The following LRFN5 variants were observed in gnomAD, a reference collection of about 807,000 sequenced individuals.
LRFN5 encodes leucine rich repeat and fibronectin type III domain containing 5, also known as leucine-rich repeat and fibronectin type-III domain-containing protein 5.
LRFN5 carries 24 observed loss-of-function variants against 45.6 expected under a neutral mutation model. The observed-to-expected ratio is 0.53, with a 90% CI of 0.38 to 0.74. The LOEUF is 0.74. Among genes scored for constraint, LRFN5 ranks in the 30% least tolerant of loss-of-function variants. The pLI, the probability that LRFN5 is intolerant of heterozygous loss-of-function variation, is 0.00. For missense variants in LRFN5, 776 were observed against 861.5 expected (o/e 0.90, Z 1.24); for synonymous variants, 340 against 313.8 (o/e 1.08, Z -0.88).
chr14:41,625,121 T>C lies in LRFN5; in HGVS notation c.-197+16559T>C, dbSNP rs577180984. ...TGAATATTTAAAGATAAATAATGAA[T>C]GAGAGAGGATAGTACAATTATAGCC... On this transcript the variant is annotated intron_variant, in intron 1 of 5. Coordinates refer to ENST00000298119, the MANE Select transcript of LRFN5 (RefSeq NM_152447.5). 3.9e-5 allele frequency among the ~76,000 whole-genome samples: 6 copies of C among 152,298 alleles called. No individual in the cohort carries two copies. The East Asian group carries it at 1.2e-3, about 29-fold the overall frequency.
chr14:41,837,206 A>C (rs1232825493), intron 2 of LRFN5, among the ~76,000 whole-genome samples: 2 of 151,708 alleles, frequency 1.3e-5, no homozygotes, highest in East Asian at 3.9e-4. Context: ...AAAAAAAAAA[A>C]AAAAAAAAAA....
At chr14:41,715,420 G>T (rs1413393493) in intron 1 of LRFN5, among the ~76,000 whole-genome samples, 1 of 152,190 alleles carries the variant, frequency 6.6e-6, no homozygotes, top group Admixed American at 6.5e-5. Context: ...TGAAAGGTCA[G>T]AATTCCAACT....
intron 1 of LRFN5, among the ~76,000 whole-genome samples, chr14:41,613,979 C>T (rs563539582): frequency 3.3e-5 from 5 of 152,014 alleles, no homozygotes; most frequent in Admixed American, 2.0e-4. Context: ...TATTACCTCC[C>T]GAGTAATAGA....
At chr14:41,655,154 GCTTCC>G (rs1880317906) in intron 1 of LRFN5, among the ~76,000 whole-genome samples, 2 of 151,946 alleles carry the variant, frequency 1.3e-5, no homozygotes, top group African/African-American at 4.8e-5. Flanking sequence ...TGTCTATGGA[GCTTCC>G]ATTGGTGTAG....
intron 1 of LRFN5, among the ~76,000 whole-genome samples, chr14:41,715,485 A>G (rs1883456714): frequency 6.6e-6 from 1 of 152,200 alleles, no homozygotes; most frequent in Non-Finnish European, 1.5e-5. Context: ...CTTATGTGGT[A>G]TCTCACCTTA....
intron 2 of LRFN5, among the ~76,000 whole-genome samples, chr14:41,813,484 G>T (rs138679326): frequency 7.1e-4 from 108 of 152,218 alleles, no homozygotes; most frequent in African/African-American, 2.1e-3. Context: ...TGAGAACAAT[G>T]GTTTCCAGCT....
intron 1 of LRFN5, among the ~76,000 whole-genome samples, chr14:41,686,435 A>G (rs1882125733): frequency 6.6e-6 from 1 of 151,880 alleles, no homozygotes; most frequent in Non-Finnish European, 1.5e-5. Flanking sequence ...GACTTCCTCT[A>G]TTCCTATTTG....
intron 2 of LRFN5, among the ~76,000 whole-genome samples, chr14:41,774,204 A>G (rs999033326): frequency 2.0e-5 from 3 of 152,230 alleles, no homozygotes; most frequent in Admixed American, 6.5e-5. Context: ...AAACCAATGG[A>G]AACAATCCAA....
chr14:41,678,063 GAC>G (rs1166176025), intron 1 of LRFN5, among the ~76,000 whole-genome samples: 4 of 152,028 alleles, frequency 2.6e-5, no homozygotes, highest in African/African-American at 4.8e-5. Flanking sequence ...GTCTATAAGA[GAC>G]ACATTTCAAA....
At chr14:41,756,995 A>C (rs961178650) in intron 1 of LRFN5, among the ~76,000 whole-genome samples, 1 of 151,394 alleles carries the variant, frequency 6.6e-6, no homozygotes. Context: ...CCCAGCTGCA[A>C]GTCTGTTGGA....
intron 2 of LRFN5, among the ~76,000 whole-genome samples, chr14:41,848,322 G>A (rs558713504): frequency 2.0e-5 from 3 of 151,986 alleles, no homozygotes; most frequent in East Asian, 1.9e-4. Context: ...ACACAGCAAG[G>A]AAAAAGTTAG....
intron 1 of LRFN5, among the ~76,000 whole-genome samples, chr14:41,637,326 G>T (rs1879351885): frequency 6.6e-6 from 1 of 152,004 alleles, no homozygotes; most frequent in Admixed American, 6.6e-5. Flanking sequence ...AGCTTGGTAT[G>T]TTCAAATATA....
rs939956733 is a variant in LRFN5, at chr14:41,863,786, A to C, written c.-20-22820A>C. On this transcript the variant is annotated intron_variant, in intron 2 of 5. Transcript: ENST00000298119. The stretch of plus-strand genomic sequence containing the variant: ...CGCATTGTCGTTTTCTGCACCCATC[A>C]AACTGTCATCTACATTAGGTATTTC... 3.9e-5 allele frequency among the ~76,000 whole-genome samples: 6 copies of C among 152,088 alleles called. No homozygotes were observed. The East Asian group carries it at 7.7e-4, about 20-fold the overall frequency.
In LRFN5 at chr14:41,847,449, C is replaced by T. The variant is rs144098611; in HGVS notation, c.-20-39157C>T. 1.6e-3 allele frequency among the ~76,000 whole-genome samples: 245 copies of T among 152,198 alleles called. 2 individuals are homozygous for T. The South Asian group carries it at 0.025, about 15-fold the overall frequency. On this transcript the variant is annotated intron_variant, in intron 2 of 5. Transcript: ENST00000298119. Reference sequence around the variant, plus strand: ...TCCTGAAAAAGTTCCTAACATCATGCATAAGAAATGTTTTTTCTTGGTCTT... The same window carrying T: ...TCCTGAAAAAGTTCCTAACATCATGTATAAGAAATGTTTTTTCTTGGTCTT...
chr14:41,861,972 G>A (rs1889679703), intron 2 of LRFN5, among the ~76,000 whole-genome samples: 2 of 151,996 alleles, frequency 1.3e-5, no homozygotes, highest in Non-Finnish European at 2.9e-5. Flanking sequence ...CAGATCATGC[G>A]GGCGGTTTGT....
chr14:41,864,038 G>A (rs147140546), intron 2 of LRFN5, among the ~76,000 whole-genome samples: 114 of 152,244 alleles, frequency 7.5e-4, no homozygotes, highest in Admixed American at 2.7e-3. Context: ...GTATTCCATG[G>A]TATATATCCA....
intron 1 of LRFN5, among the ~76,000 whole-genome samples, chr14:41,718,020 T>C (rs1883560991): frequency 2.0e-5 from 3 of 152,202 alleles, no homozygotes; most frequent in Non-Finnish European, 2.9e-5. Context: ...GGAGACTTTT[T>C]GTCTCCAAAA....
intron 1 of LRFN5, among the ~76,000 whole-genome samples, chr14:41,657,598 C>T (rs1880440324): frequency 6.6e-6 from 1 of 151,940 alleles, no homozygotes; most frequent in Non-Finnish European, 1.5e-5. Context: ...TTTGATTTTA[C>T]AGGCACCTTA....
chr14:41,844,341 G>T lies in LRFN5; in HGVS notation c.-20-42265G>T, dbSNP rs568381352. 2.6e-5 allele frequency among the ~76,000 whole-genome samples: 4 copies of T among 151,600 alleles called. No homozygotes were observed. In the South Asian group the frequency reaches 8.3e-4, roughly 32 times the overall value. ...AGTCCCAGCTACTCGGGAGGCTGAG[G>T]CAGGAGAATGGCGTGAACCCAGGAG... is the stretch of plus-strand genomic sequence containing the variant. On this transcript the variant is annotated intron_variant, in intron 2 of 5. Coordinates refer to ENST00000298119, the MANE Select transcript of LRFN5 (RefSeq NM_152447.5).
Sources: gnomAD v4.1 joint callset for allele counts (sites outside exome capture counted in the v4.1 genomes callset) on GRCh38, gnomAD v4.1.1 for gene constraint, MANE v1.5 for transcripts, NCBI Gene and HGNC (gene_info 2026-07-23, HGNC 2026-07-21) for gene names.